The following RAP1GDS1 variants were observed in gnomAD, a reference collection of about 807,000 sequenced individuals.
RAP1GDS1 encodes RAP1, GTP-GDP dissociation stimulator 1.
Under a neutral mutation model 71.1 loss-of-function variants are expected in RAP1GDS1, and 35 were observed. That is an observed-to-expected ratio of 0.49 (90% CI 0.38 to 0.65). The LOEUF (loss-of-function observed/expected upper bound fraction) is 0.65. Among genes scored for constraint, RAP1GDS1 ranks in the 30% least tolerant of loss-of-function variants. The pLI is 0.00. For synonymous variants in RAP1GDS1, 229 were observed against 243.1 expected (o/e 0.94, Z 0.54); for missense variants, 663 against 706.1 (o/e 0.94, Z 0.69).
At chr4:98,425,450 T>A (rs921652175) in intron 12 of RAP1GDS1, among the ~76,000 whole-genome samples, 2 of 152,194 alleles carry the variant, frequency 1.3e-5, no homozygotes, top group African/African-American at 4.8e-5. Flanking sequence ...AATTGCAGAA[T>A]AGATAAGAAT....
chr4:98,262,484 A>G (rs540184592), intron 1 of RAP1GDS1, among the ~76,000 whole-genome samples: 1 of 152,322 alleles, frequency 6.6e-6, no homozygotes, highest in African/African-American at 2.4e-5. Flanking sequence ...TACATCATCT[A>G]TTGCTTAACT....
intron 2 of RAP1GDS1, among the ~76,000 whole-genome samples, chr4:98,329,441 A>G (rs1733610293): frequency 6.6e-6 from 1 of 152,144 alleles, no homozygotes; most frequent in South Asian, 2.1e-4. Context: ...TTAGTGTTCT[A>G]GAAAAAAAAG....
At chr4:98,286,448 A>G (rs1355975459) in intron 1 of RAP1GDS1, among the ~76,000 whole-genome samples, 2 of 152,102 alleles carry the variant, frequency 1.3e-5, no homozygotes, top group Non-Finnish European at 2.9e-5. Flanking sequence ...AAAATTTTAC[A>G]AATTGTATTT....
intron 1 of RAP1GDS1, among the ~76,000 whole-genome samples, chr4:98,287,171 G>T (rs992695972): frequency 6.6e-6 from 1 of 151,984 alleles, no homozygotes; most frequent in Non-Finnish European, 1.5e-5. Flanking sequence ...TGTCCTAGAG[G>T]AATTTTCAAT....
rs545057783 is a variant in RAP1GDS1 at position 98,393,433 on chromosome 4, T to C, written c.637+1353T>C. 1.2e-4 allele frequency among the ~76,000 whole-genome samples: 19 copies of C among 152,224 alleles called. 1 individual carries two copies. In the South Asian group the frequency reaches 3.5e-3, roughly 28 times the overall value. ...ATTCAAGTGAGACCAAGAATAAAAG[T>C]ACATTCATTTAGTATTTGACAAAGT... On this transcript the variant is annotated intron_variant, in intron 6 of 14. Transcript: ENST00000408927.
chr4:98,282,105 A>G (rs1725201721), intron 1 of RAP1GDS1, among the ~76,000 whole-genome samples: 1 of 152,180 alleles, frequency 6.6e-6, no homozygotes, highest in Non-Finnish European at 1.5e-5. Flanking sequence ...CTTTGGTATC[A>G]GGATGATGCT....
chr4:98,385,046 C>T (rs917392896), intron 5 of RAP1GDS1, among the ~76,000 whole-genome samples: 4 of 151,388 alleles, frequency 2.6e-5, no homozygotes, highest in South Asian at 2.1e-4. Context: ...TAATCATAGC[C>T]GTTATCAAAT....
At chr4:98,394,247 C>T (rs975626591) in intron 6 of RAP1GDS1, among the ~76,000 whole-genome samples, 1 of 152,094 alleles carries the variant, frequency 6.6e-6, no homozygotes, top group Non-Finnish European at 1.5e-5. Context: ...AGGAACTGTG[C>T]AGAACTCCTG....
At chr4:98,275,432 T>C (rs1469194534) in intron 1 of RAP1GDS1, among the ~76,000 whole-genome samples, 1 of 152,178 alleles carries the variant, frequency 6.6e-6, no homozygotes. Flanking sequence ...CTATAGGCAA[T>C]GCACAAAGGA....
At chr4:98,371,831 T>G (rs1461619693) in intron 4 of RAP1GDS1, among the ~76,000 whole-genome samples, 1 of 152,202 alleles carries the variant, frequency 6.6e-6, no homozygotes, top group Non-Finnish European at 1.5e-5. Flanking sequence ...AGTGTTTGCA[T>G]GGTATATCTT....
At chr4:98,392,293 T>C in intron 6 of RAP1GDS1, 1 of 396,366 alleles carries the variant, frequency 2.5e-6, no homozygotes, top group Non-Finnish European at 4.4e-6. Flanking sequence ...CCCTAATAAT[T>C]AATTTTACAT....
At chr4:98,415,533 C>G (rs1747822636) in intron 7 of RAP1GDS1, among the ~76,000 whole-genome samples, 1 of 152,166 alleles carries the variant, frequency 6.6e-6, no homozygotes, top group Non-Finnish European at 1.5e-5. Flanking sequence ...GGGTCCCTGA[C>G]TTCCCACAAC....
intron 7 of RAP1GDS1, among the ~76,000 whole-genome samples, chr4:98,414,513 A>G (rs1049547726): frequency 1.3e-5 from 2 of 150,466 alleles, no homozygotes; most frequent in Admixed American, 6.6e-5. Flanking sequence ...TTTGTCAAAG[A>G]TCAGATAGTT....
intron 1 of RAP1GDS1, among the ~76,000 whole-genome samples, chr4:98,263,016 G>T (rs1274579600): frequency 2.0e-5 from 3 of 152,146 alleles, no homozygotes; most frequent in Non-Finnish European, 4.4e-5. Flanking sequence ...CCATTTATGC[G>T]TGTCTGCCTT....
At chr4:98,297,306 T>C (rs1020858262) in intron 2 of RAP1GDS1, among the ~76,000 whole-genome samples, 2 of 152,204 alleles carry the variant, frequency 1.3e-5, no homozygotes, top group Non-Finnish European at 2.9e-5. Flanking sequence ...CCTTCTAGGC[T>C]ACAATGCTAA....
chr4:98,443,673 C>G lies in RAP1GDS1; in HGVS notation c.*1556C>G, dbSNP rs1278693609. 1 of 205,602 alleles carries G rather than the reference C, an allele frequency of 4.9e-6. No individual in the cohort carries two copies. The highest frequency in any genetic ancestry group is 9.9e-6 in the Non-Finnish European group (1 of 100,732). 12.7% of individuals were successfully genotyped at this position (205,602 alleles called of 1,614,324 possible). ...AGGTAAAGAATCTTGACTGATTGTT[C>G]CCTTTGATGTCCAAATAAGGGAACT... On this transcript the variant is annotated 3_prime_UTR_variant, in exon 15 of 15. Coordinates refer to ENST00000408927, the MANE Select transcript of RAP1GDS1 (RefSeq NM_001100427.2).
chr4:98,312,858 A>G (rs544397620), intron 2 of RAP1GDS1, among the ~76,000 whole-genome samples: 34 of 151,834 alleles, frequency 2.2e-4, no homozygotes, highest in South Asian at 1.5e-3. Context: ...TCGCAAGGTC[A>G]GGAGATCGAG....
intron 1 of RAP1GDS1, among the ~76,000 whole-genome samples, chr4:98,277,359 A>G (rs760945638): frequency 6.6e-6 from 1 of 152,196 alleles, no homozygotes; most frequent in African/African-American, 2.4e-5. Flanking sequence ...TTCTTATACA[A>G]GAATCTAATA....
chr4:98,440,018 G>T (rs909045499), intron 14 of RAP1GDS1, among the ~76,000 whole-genome samples: 1 of 152,068 alleles, frequency 6.6e-6, no homozygotes, highest in African/African-American at 2.4e-5. Flanking sequence ...ACAGCCTCTG[G>T]CAATCACCAT....
Sources: gnomAD v4.1 joint callset for allele counts (sites outside exome capture counted in the v4.1 genomes callset) on GRCh38, gnomAD v4.1.1 for gene constraint, MANE v1.5 for transcripts, NCBI Gene and HGNC (gene_info 2026-07-23, HGNC 2026-07-21) for gene names.